The following SLC41A3 variants were observed in gnomAD, a reference collection of about 807,000 sequenced individuals.
SLC41A3 encodes the protein solute carrier family 41 member 3, also known as SLC41A1-like 2.
In SLC41A3, 44 loss-of-function variants were observed where a neutral mutation model predicts 45.4. That is an observed-to-expected ratio of 0.97 (90% CI 0.76 to 1.25). The LOEUF is 1.25. Ranked by LOEUF, SLC41A3 falls within the 50% of genes most tolerant of loss-of-function variation. The probability of loss-of-function intolerance (pLI) is 0.00; values close to 1 mark genes in which losing one functional copy is unlikely to be tolerated. For missense variants in SLC41A3, 550 were observed against 600.6 expected (o/e 0.92, Z 0.88); for synonymous variants, 256 against 252.4 (o/e 1.01, Z -0.13).
chr3:126,016,620 AGCT>A lies in SLC41A3; in HGVS notation c.890+108_890+110del, dbSNP rs1228775339. On this transcript the variant is annotated intron_variant, in intron 7 of 10. Transcript: ENST00000360370. ...AATGGGAGTTACTGAAAGAGCCCAC[AGCT>A]ACATTTCACTCCATTCCTGTCCCCC... is the stretch of plus-strand genomic sequence containing the variant. 7 of 1,372,246 alleles carry A rather than the reference AGCT, an allele frequency of 5.1e-6. No individual in the cohort carries two copies. The East Asian group carries it at 1.7e-4, about 34-fold the overall frequency. The allele number at this position is 1,372,246 out of a possible 1,614,324, so 85.0% of individuals were successfully genotyped here.
chr3:126,038,607 T>C (rs1942370413), intron 3 of SLC41A3, among the ~76,000 whole-genome samples: 1 of 152,242 alleles, frequency 6.6e-6, no homozygotes, highest in African/African-American at 2.4e-5. Flanking sequence ...GTTTACCTAA[T>C]GCCTGTACTA....
chr3:126,100,249 T>G (rs1331048746), intron 1 of SLC41A3, among the ~76,000 whole-genome samples: 1 of 151,940 alleles, frequency 6.6e-6, no homozygotes, highest in Non-Finnish European at 1.5e-5. Context: ...CTTTTCCACC[T>G]CCCTTAGGAT....
In SLC41A3 at chr3:126,067,701, A is replaced by G. The variant is rs1275411197; in HGVS notation, c.273+246T>C. 7.1e-6 allele frequency: 4 copies of G among 560,382 alleles called. No homozygotes were observed. The Admixed American group carries it at 1.1e-4, about 16-fold the overall frequency. 34.7% of individuals were successfully genotyped at this position (560,382 alleles called of 1,614,324 possible). ...TTCAAAGTACATCAGAAGGGAAATG[A>G]TTAAGTAAATTTTGGTCTACATCAA... is the stretch of plus-strand genomic sequence containing the variant. On this transcript the variant is annotated intron_variant, in intron 2 of 10. Transcript: ENST00000360370.
intron 4 of SLC41A3, among the ~76,000 whole-genome samples, chr3:126,030,260 A>AATATATATGATATATAATATATAATTAT (rs1216158151): frequency 7.0e-6 from 1 of 143,508 alleles, no homozygotes; most frequent in Non-Finnish European, 1.5e-5. Context: ...TATAACATAT[A>AATATATATGATATATAATATATAATTAT]ATATATATGA....
chr3:126,099,644 GT>G (rs1945670087), intron 1 of SLC41A3, among the ~76,000 whole-genome samples: 1 of 152,178 alleles, frequency 6.6e-6, no homozygotes, highest in Non-Finnish European at 1.5e-5. Context: ...AAGTTGCAGT[GT>G]GCTGAGATTG....
rs761009956 is a variant in SLC41A3 at position 126,008,869 on chromosome 3, T to C, written c.1117A>G (p.Met373Val). 5.0e-6 allele frequency: 8 copies of C among 1,613,844 alleles called. No individual in the cohort carries two copies. Among genetic ancestry groups the C allele is most frequent in the Non-Finnish European group, 6.8e-6 (8 of 1,179,882 alleles). ...AGCAAGAGCAGGACTCGAGCTGACA[T>C]GGAATTGATTTCTGAAAGAAACAGA... Reference protein sequence around the residue: ...STFCTSEINSMSARVLLLLVV... With the variant: ...STFCTSEINSVSARVLLLLVV... Residue 373 changes from methionine to valine, a missense_variant, in exon 10 of 11, where the codon ATG becomes GTG. Transcript: ENST00000360370.
chr3:126,021,743 G>T (rs1375039583), intron 6 of SLC41A3, among the ~76,000 whole-genome samples: 1 of 152,164 alleles, frequency 6.6e-6, no homozygotes, highest in African/African-American at 2.4e-5. Context: ...TAAGTTTAGA[G>T]TTCACCTGAG....
At chr3:126,025,143 C>A (rs1031949386) in intron 5 of SLC41A3, 9 of 152,162 alleles carry the variant, frequency 5.9e-5, no homozygotes, top group African/African-American at 2.2e-4. Context: ...GACAGTATAT[C>A]CCCAGCACTA....
intron 3 of SLC41A3, among the ~76,000 whole-genome samples, chr3:126,034,416 C>G (rs577783853): frequency 4.3e-4 from 65 of 152,348 alleles, no homozygotes; most frequent in Non-Finnish European, 6.9e-4. Flanking sequence ...TCATTAAGTT[C>G]CTGAACTCCA....
intron 2 of SLC41A3, among the ~76,000 whole-genome samples, chr3:126,051,708 A>G (rs1943348596): frequency 6.6e-6 from 1 of 152,206 alleles, no homozygotes; most frequent in Non-Finnish European, 1.5e-5. Context: ...TTAATGTGCA[A>G]TTAGATGTTC....
intron 1 of SLC41A3, among the ~76,000 whole-genome samples, chr3:126,090,611 G>A (rs1459560372): frequency 2.0e-5 from 3 of 152,070 alleles, no homozygotes; most frequent in Non-Finnish European, 1.5e-5. Flanking sequence ...TCTTATAATT[G>A]TCAAACTATA....
intron 2 of SLC41A3, among the ~76,000 whole-genome samples, chr3:126,062,700 A>G (rs1200995397): frequency 1.3e-5 from 2 of 152,208 alleles, no homozygotes; most frequent in African/African-American, 4.8e-5. Flanking sequence ...AGAAGTATTA[A>G]CCTTCTCAGC....
intron 8 of SLC41A3, 24 bp downstream of exon 8, chr3:126,015,470 C>A (rs770035930): frequency 2.5e-6 from 4 of 1,613,490 alleles, no homozygotes; most frequent in Admixed American, 3.3e-5. Context: ...CCAGGGACCA[C>A]ATGGGAACCC....
intron 3 of SLC41A3, among the ~76,000 whole-genome samples, chr3:126,037,962 G>A (rs1348685126): frequency 6.6e-6 from 1 of 152,210 alleles, no homozygotes; most frequent in Non-Finnish European, 1.5e-5. Context: ...CAACATCCCT[G>A]GCTGTTCCAG....
chr3:126,006,779 T>G lies in SLC41A3; in HGVS notation c.*237A>C, dbSNP rs949551198. 2.1e-6 allele frequency: 3 copies of G among 1,442,946 alleles called. No homozygotes were observed. The highest frequency in any genetic ancestry group is 2.9e-5 in the African/African-American group (2 of 69,744). The allele number at this position is 1,442,946 out of a possible 1,614,324, so 89.4% of individuals were successfully genotyped here. A position where few individuals can be genotyped will look rare whatever the true frequency, so the allele number is the denominator to read the frequency against. ...TGCACACTTGCACGCTCATTAAGCA[T>G]GTGCACACATCATATTCACACACTC... On this transcript the variant is annotated 3_prime_UTR_variant, in exon 11 of 11. Transcript: ENST00000360370.
At chr3:126,093,949 T>G (rs1437685940) in intron 1 of SLC41A3, among the ~76,000 whole-genome samples, 1 of 152,194 alleles carries the variant, frequency 6.6e-6, no homozygotes, top group Non-Finnish European at 1.5e-5. Flanking sequence ...CGTGGCCAAT[T>G]CAACCTGCTC....
intron 3 of SLC41A3, among the ~76,000 whole-genome samples, chr3:126,039,362 C>T (rs1318533101): frequency 1.3e-5 from 2 of 152,198 alleles, no homozygotes; most frequent in Non-Finnish European, 2.9e-5. Flanking sequence ...GCTCCTGAAT[C>T]TCATTGTAGA....
chr3:126,062,296 G>A (rs1944112443), intron 2 of SLC41A3, among the ~76,000 whole-genome samples: 1 of 152,110 alleles, frequency 6.6e-6, no homozygotes, highest in African/African-American at 2.4e-5. Flanking sequence ...AAATCAACTG[G>A]TACTTTGCTG....
At chr3:126,020,491 C>T (rs1210899477) in intron 6 of SLC41A3, among the ~76,000 whole-genome samples, 1 of 152,126 alleles carries the variant, frequency 6.6e-6, no homozygotes, top group Non-Finnish European at 1.5e-5. Context: ...AAAATTTTCC[C>T]AATTTTCCCG....
Sources: gnomAD v4.1 joint callset for allele counts (sites outside exome capture counted in the v4.1 genomes callset) on GRCh38, gnomAD v4.1.1 for gene constraint, MANE v1.5 for transcripts, NCBI Gene and HGNC (gene_info 2026-07-23, HGNC 2026-07-21) for gene names.